Variants in DCUN1D4 observed in about 807,000 individuals in gnomAD.
The protein encoded by DCUN1D4 is defective in cullin neddylation 1 domain containing 4, also known as DCN1-like protein 4.
A neutral mutation model predicts 47.9 loss-of-function variants in DCUN1D4; 22 were observed. The ratio of observed to expected loss-of-function variants is 0.46; its 90% confidence interval spans 0.33 to 0.66. DCUN1D4 has a LOEUF of 0.66. Ranked by LOEUF, DCUN1D4 falls within the 30% of genes least tolerant of loss-of-function variation. The pLI is 0.02. For synonymous variants in DCUN1D4, 121 were observed against 112.2 expected, an observed-to-expected ratio of 1.08 and a Z score of -0.50; for missense variants, 301 against 340.8, an observed-to-expected ratio of 0.88 and a Z score of 0.92.
At chr4:51,844,352 C>T (rs1461041468) in intron 1 of DCUN1D4, 4 of 984,632 alleles carry the variant, frequency 4.1e-6, no homozygotes, top group East Asian at 1.2e-4. Context: ...GGGTAAGTGC[C>T]CTAAGGTTGG....
upstream of DCUN1D4, chr4:51,843,148 T>A (rs897354239): frequency 2.0e-6 from 3 of 1,508,502 alleles, no homozygotes; most frequent in East Asian, 2.6e-5. Flanking sequence ...CGGCGGCGGG[T>A]CCTCAGCTTC....
At chr4:51,849,656 G>T (rs1723069508) in intron 1 of DCUN1D4, among the ~76,000 whole-genome samples, 1 of 152,152 alleles carries the variant, frequency 6.6e-6, no homozygotes, top group South Asian at 2.1e-4. Context: ...CTGGTGGTCA[G>T]GCAGGACTCC....
rs571350101 is a variant in DCUN1D4 at position 51,915,216 on chromosome 4, A to G, written c.*1632A>G. 6.5e-6 allele frequency: 1 copy of G among 152,724 alleles called. No individual in the cohort carries two copies. Among genetic ancestry groups the G allele is most frequent in the Admixed American group, 6.5e-5 (1 of 15,276 alleles). The allele number at this position is 152,724 out of a possible 1,614,324, so 9.5% of individuals were successfully genotyped here. On this transcript the variant is annotated 3_prime_UTR_variant, in exon 11 of 11. Transcript: ENST00000334635. ...ATTTTTTCCCTAACTAAACCACCAA[A>G]GAAAGAAATTTTGTATGTATATACA...
chr4:51,834,042 TTCTCTCTCTCTCTCTCTCTC>T, the DCUN1D4 span, among the ~76,000 whole-genome samples: 76 of 51,906 alleles, frequency 1.5e-3, 2 homozygotes, highest in African/African-American at 7.3e-3. Flanking sequence ...TTAGGAGTCT[TTCTCTCTCTCTCTCTCTCTC>T]TCTCTCTCTC....
At chr4:51,848,472 G>A in intron 1 of DCUN1D4, 1 of 812,070 alleles carries the variant, frequency 1.2e-6, no homozygotes, top group East Asian at 1.2e-4. Context: ...AATATAGTGA[G>A]ATCACTGAAA....
At chr4:51,903,860 C>G (rs578184353) in intron 8 of DCUN1D4, among the ~76,000 whole-genome samples, 2 of 152,204 alleles carry the variant, frequency 1.3e-5, no homozygotes, top group South Asian at 4.1e-4. Context: ...CAGTTTCTCT[C>G]CCCATCATGA....
chr4:51,837,990 C>T, the DCUN1D4 span, among the ~76,000 whole-genome samples: 1 of 151,988 alleles, frequency 6.6e-6, no homozygotes, highest in Admixed American at 6.6e-5. Flanking sequence ...CCAGCCTGAC[C>T]AACATGGTGA....
chr4:51,872,150 G>A (rs1196179303), intron 3 of DCUN1D4, among the ~76,000 whole-genome samples: 2 of 152,204 alleles, frequency 1.3e-5, no homozygotes, highest in Non-Finnish European at 2.9e-5. Context: ...GGTCTGGGAA[G>A]GACCCTCATC....
chr4:51,883,789 G>C (rs1729057264), intron 5 of DCUN1D4, among the ~76,000 whole-genome samples: 1 of 152,096 alleles, frequency 6.6e-6, no homozygotes, highest in Admixed American at 6.5e-5. Context: ...GAGAAGTGTT[G>C]TTAAAGAAGC....
At chr4:51,878,002 G>A (rs1727959636) in intron 5 of DCUN1D4, 148 bp downstream of exon 5, 1 of 439,264 alleles carries the variant, frequency 2.3e-6, no homozygotes, top group Non-Finnish European at 4.0e-6. Context: ...GGACATAGCT[G>A]TAACAAATCA....
At chr4:51,853,406 C>T (rs1353730896) in intron 1 of DCUN1D4, among the ~76,000 whole-genome samples, 1 of 152,186 alleles carries the variant, frequency 6.6e-6, no homozygotes, top group Admixed American at 6.5e-5. Flanking sequence ...CCTTCCTCAC[C>T]TGCTACTTTC....
intron 5 of DCUN1D4, among the ~76,000 whole-genome samples, chr4:51,883,198 C>T (rs1728953053): frequency 6.6e-6 from 1 of 152,170 alleles, no homozygotes; most frequent in Admixed American, 6.5e-5. Context: ...TGTAGAATTA[C>T]AAGTACCTCA....
chr4:51,891,399 C>T (rs938038297), intron 6 of DCUN1D4, among the ~76,000 whole-genome samples: 11 of 152,196 alleles, frequency 7.2e-5, no homozygotes, highest in Non-Finnish European at 1.5e-4. Flanking sequence ...TAAAATTCAT[C>T]TTTGTGTCTG....
At chr4:51,843,366 C>T (rs1721896105) in intron 1 of DCUN1D4, 99 bp downstream of exon 1, 10 of 1,400,272 alleles carry the variant, frequency 7.1e-6, no homozygotes, top group South Asian at 1.5e-5. Flanking sequence ...GGTCCCGAAA[C>T]GCGCCGGGAG....
chr4:51,853,839 G>A (rs972076186), intron 1 of DCUN1D4, among the ~76,000 whole-genome samples: 2 of 152,154 alleles, frequency 1.3e-5, no homozygotes, highest in African/African-American at 4.8e-5. Context: ...GCTCCCCCAT[G>A]GGCACTGCAC....
At chr4:51,883,627 G>C (rs1729025242) in intron 5 of DCUN1D4, among the ~76,000 whole-genome samples, 1 of 152,138 alleles carries the variant, frequency 6.6e-6, no homozygotes, top group Non-Finnish European at 1.5e-5. Flanking sequence ...TGTAAATATT[G>C]GAAAGGAGGA....
At chr4:51,870,077 C>G (rs948512570) in intron 3 of DCUN1D4, among the ~76,000 whole-genome samples, 1 of 152,182 alleles carries the variant, frequency 6.6e-6, no homozygotes, top group South Asian at 2.1e-4. Flanking sequence ...TAATATCTTG[C>G]TTCTACCTCT....
chr4:51,897,367 T>C (rs900015854), intron 7 of DCUN1D4, among the ~76,000 whole-genome samples: 14 of 152,190 alleles, frequency 9.2e-5, no homozygotes, highest in Non-Finnish European at 1.3e-4. Context: ...TAAAAATAGA[T>C]TCGTGTGCTC....
At position 51,845,215 on chromosome 4, in the gene DCUN1D4, C is replaced by T. The variant is rs904124956; in HGVS notation, c.25+1948C>T. The T allele has an allele frequency of 6.1e-6, 6 of 985,256 alleles. No homozygotes were observed. In the African/African-American group the frequency reaches 8.7e-5, roughly 14 times the overall value. 61.0% of individuals were successfully genotyped at this position (985,256 alleles called of 1,614,324 possible). ...GTGTAAGCACTGGGTTCCAGCATTCCCTTGCATAAATATGAGAACACAGTG... is the reference window on the plus strand; with the variant it reads ...GTGTAAGCACTGGGTTCCAGCATTCTCTTGCATAAATATGAGAACACAGTG... On this transcript the variant is annotated intron_variant, in intron 1 of 10. Transcript: ENST00000334635.
Sources: gnomAD v4.1 joint callset for allele counts (sites outside exome capture counted in the v4.1 genomes callset) on GRCh38, gnomAD v4.1.1 for gene constraint, MANE v1.5 for transcripts, NCBI Gene and HGNC (gene_info 2026-07-23, HGNC 2026-07-21) for gene names.